CALU: variants seen among roughly 807,000 people sequenced by gnomAD.
CALU encodes calumenin, also known as IEF SSP 9302.
In CALU, 13 loss-of-function variants were observed where a neutral mutation model predicts 37.5. That is an observed-to-expected ratio of 0.35 (90% CI 0.23 to 0.55). CALU has a LOEUF of 0.55. CALU is among the 20% of genes least tolerant of loss of function. CALU has a pLI of 0.89. For missense variants in CALU, 282 were observed against 391.7 expected (o/e 0.72, Z 2.36); for synonymous variants, 114 against 133.8 (o/e 0.85, Z 1.02).
chr7:128,756,392 A>G (rs1040002640), intron 3 of CALU, among the ~76,000 whole-genome samples: 1 of 152,342 alleles, frequency 6.6e-6, no homozygotes, highest in Middle Eastern at 3.4e-3. Context: ...GAGACTGCAT[A>G]AGCTGAAGCA....
At chr7:128,739,734 T>G (rs1464550781) in intron 1 of CALU, among the ~76,000 whole-genome samples, 1 of 152,088 alleles carries the variant, frequency 6.6e-6, no homozygotes, top group East Asian at 1.9e-4. Context: ...CATCTCTAGG[T>G]CACGCCACTC....
intron 6 of CALU, among the ~76,000 whole-genome samples, chr7:128,768,749 A>G (rs1204039814): frequency 5.3e-5 from 8 of 151,072 alleles, no homozygotes; most frequent in Non-Finnish European, 1.2e-4. Context: ...GAGGCAGAAA[A>G]ATCACTTAAA....
chr7:128,768,401 A>G lies in CALU; in HGVS notation c.844-662A>G, dbSNP rs983819519. ...TGAGATGTATGAGAAAAGGAAATGCATGTAGTCATCCCTATCTAGGAGATG... is the reference window on the plus strand; with the variant it reads ...TGAGATGTATGAGAAAAGGAAATGCGTGTAGTCATCCCTATCTAGGAGATG... On this transcript the variant is annotated intron_variant, in intron 6 of 6. Coordinates refer to ENST00000249364, the MANE Select transcript of CALU (RefSeq NM_001219.5). 4.6e-5 allele frequency among the ~76,000 whole-genome samples: 7 copies of G among 152,330 alleles called. No homozygotes were observed. The East Asian group carries it at 1.4e-3, about 29-fold the overall frequency.
At chr7:128,751,562 A>G (rs929218541) in intron 2 of CALU, among the ~76,000 whole-genome samples, 1 of 151,880 alleles carries the variant, frequency 6.6e-6, no homozygotes, top group African/African-American at 2.4e-5. Context: ...CCCTCTCTCT[A>G]CAACAAATTA....
rs1262098330 is a variant in CALU at position 128,771,911 on chromosome 7, A to AT, written c.*2745dup. The AT allele has an allele frequency of 6.5e-6, 1 of 153,646 alleles. No individual in the cohort carries two copies. Among genetic ancestry groups the AT allele is most frequent in the Non-Finnish European group, 1.4e-5 (1 of 69,078 alleles). 9.5% of individuals were successfully genotyped at this position (153,646 alleles called of 1,614,324 possible). A position where few individuals can be genotyped will look rare whatever the true frequency, so the allele number is the denominator to read the frequency against. On this transcript the variant is annotated 3_prime_UTR_variant, in exon 7 of 7. Coordinates refer to ENST00000249364, the MANE Select transcript of CALU (RefSeq NM_001219.5). ...TTAGTAAACACACAGTTTAAGACAA[A>AT]TATAAAGGTTTAGCCAAATGCAACG...
In CALU at chr7:128,770,795, A is replaced by C. The variant is rs935047361; in HGVS notation, c.*1628A>C. 6.8e-6 allele frequency: 1 copy of C among 147,200 alleles called. No homozygotes were observed. The highest frequency in any genetic ancestry group is 2.8e-5 in the African/African-American group (1 of 36,298). 9.1% of individuals were successfully genotyped at this position (147,200 alleles called of 1,614,324 possible). A position where few individuals can be genotyped will look rare whatever the true frequency, so the allele number is the denominator to read the frequency against. ...CACGTTTTTAGCCCTCAGGTTACCA[A>C]GATAAATATATGTATATATAACCTT... On this transcript the variant is annotated 3_prime_UTR_variant, in exon 7 of 7. Coordinates refer to ENST00000249364, the MANE Select transcript of CALU (RefSeq NM_001219.5).
intron 2 of CALU, among the ~76,000 whole-genome samples, chr7:128,750,023 G>A (rs6954748): frequency 0.28 from 42,010 of 151,642 alleles, 6,838 homozygotes; most frequent in Non-Finnish European, 0.38. Flanking sequence ...TCAGGAGATC[G>A]AGACCATCCT....
At chr7:128,741,569 A>G (rs1415529848) in intron 1 of CALU, among the ~76,000 whole-genome samples, 1 of 152,134 alleles carries the variant, frequency 6.6e-6, no homozygotes, top group Non-Finnish European at 1.5e-5. Flanking sequence ...TTTTTGTCCA[A>G]AAAGAGAAAA....
At chr7:128,740,650 T>TTGGGGGG (rs1299706141) in intron 1 of CALU, among the ~76,000 whole-genome samples, 678 of 36,480 alleles carry the variant, frequency 0.019, 1 homozygote, top group Admixed American at 0.061. Flanking sequence ...TTTACTGTGA[T>TTGGGGGG]TGGGGGGTGG....
chr7:128,767,544 C>T lies in CALU; in HGVS notation c.732C>T (p.Asn244=). The T allele has an allele frequency of 6.2e-7, 1 of 1,613,914 alleles. No homozygotes were observed. The highest frequency in any genetic ancestry group is 2.2e-5 in the East Asian group (1 of 44,878). Residue 244 remains asparagine, a synonymous_variant, in exon 6 of 7, where the codon AAC becomes AAT. Transcript: ENST00000249364. ...REQFVEFRDK[N]RDGKMDKEET... is the part of the protein sequence containing the mutation. ...AGTTTGTTGAGTTTCGGGATAAGAA[C>T]CGTGATGGGAAGATGGACAAGGAAG... is the stretch of plus-strand genomic sequence containing the variant.
At chr7:128,758,208 G>C (rs571651856) in intron 3 of CALU, among the ~76,000 whole-genome samples, 19 of 152,074 alleles carry the variant, frequency 1.2e-4, no homozygotes, top group African/African-American at 4.6e-4. Flanking sequence ...TGTCACTCTT[G>C]GTAGATTTCT....
intron 6 of CALU, 119 bp from the exon 7 acceptor site, chr7:128,768,940 CACTT>C (rs1801449878): frequency 6.9e-6 from 4 of 579,516 alleles, no homozygotes; most frequent in African/African-American, 1.9e-5. Context: ...GAGTAGTTCA[CACTT>C]AATTTAGTAG....
At chr7:128,747,750 C>A (rs1002322625) in intron 1 of CALU, 2 of 152,228 alleles carry the variant, frequency 1.3e-5, no homozygotes, top group African/African-American at 4.8e-5. Flanking sequence ...TTTTTTGTCA[C>A]ATTTTTCAGT....
chr7:128,749,825 A>G (rs1453311515), intron 2 of CALU, among the ~76,000 whole-genome samples: 1 of 152,188 alleles, frequency 6.6e-6, no homozygotes, highest in Non-Finnish European at 1.5e-5. Context: ...ATTTGAAAGT[A>G]GATAGATATG....
intron 1 of CALU, among the ~76,000 whole-genome samples, chr7:128,742,394 A>C (rs1800272064): frequency 6.6e-6 from 1 of 152,200 alleles, no homozygotes. Flanking sequence ...GAGAACTGGA[A>C]TTTTACTACC....
chr7:128,764,290 T>C (rs1801240138), intron 5 of CALU, among the ~76,000 whole-genome samples: 1 of 151,318 alleles, frequency 6.6e-6, no homozygotes, highest in South Asian at 2.1e-4. Flanking sequence ...AAAGAAAAAA[T>C]TAGCCAGGCA....
At chr7:128,752,648 C>T (rs1015348957) in intron 2 of CALU, among the ~76,000 whole-genome samples, 2 of 152,162 alleles carry the variant, frequency 1.3e-5, no homozygotes, top group Admixed American at 1.3e-4. Flanking sequence ...CAAAAATTGT[C>T]CTTATGTCTA....
intron 3 of CALU, among the ~76,000 whole-genome samples, chr7:128,755,309 CAAAAAAA>C (rs59208090): frequency 1.1e-3 from 55 of 51,524 alleles, no homozygotes; most frequent in African/African-American, 2.9e-3. Context: ...GAGCTCTGTC[CAAAAAAA>C]AAAAAAAAAA....
intron 2 of CALU, 27 bp from the exon 3 acceptor site, chr7:128,754,235 T>C: frequency 6.4e-7 from 1 of 1,570,710 alleles, no homozygotes; most frequent in Non-Finnish European, 8.7e-7. Flanking sequence ...TTTAACCTTT[T>C]GCTGGATTTC....
Sources: allele counts gnomAD v4.1 joint callset (sites outside exome capture counted in the v4.1 genomes callset), GRCh38; gene constraint gnomAD v4.1.1; transcripts MANE v1.5; gene names NCBI Gene and HGNC (gene_info 2026-07-23, HGNC 2026-07-21).